The following ANKRD44 variants were observed in gnomAD, a reference collection of about 807,000 sequenced individuals.
The protein encoded by ANKRD44 is ankyrin repeat domain 44, also known as serine/threonine-protein phosphatase 6 regulatory ankyrin repeat subunit B.
In ANKRD44, 35 loss-of-function variants were observed where a neutral mutation model predicts 116.0. The observed-to-expected ratio is 0.30, with a 90% CI of 0.23 to 0.40. ANKRD44 has a LOEUF of 0.40. Among genes scored for constraint, ANKRD44 ranks in the 10% least tolerant of loss-of-function variants. ANKRD44 has a pLI of 1.00. For missense variants in ANKRD44, 1,014 were observed against 1,242.6 expected, an observed-to-expected ratio of 0.82 and a Z score of 2.77; for synonymous variants, 435 against 461.8, an observed-to-expected ratio of 0.94 and a Z score of 0.74.
chr2:197,114,470 G>A (rs1049425043), intron 8 of ANKRD44, among the ~76,000 whole-genome samples: 1 of 152,098 alleles, frequency 6.6e-6, no homozygotes, highest in Non-Finnish European at 1.5e-5. Flanking sequence ...ACTCTTTCAG[G>A]GCAGAACTCA....
At chr2:197,156,859 A>G (rs1452477549) in intron 2 of ANKRD44, among the ~76,000 whole-genome samples, 1 of 152,244 alleles carries the variant, frequency 6.6e-6, no homozygotes, top group African/African-American at 2.4e-5. Flanking sequence ...TACATATTGT[A>G]TAAATCCACG....
chr2:197,287,054 C>G (rs536291419), intron 1 of ANKRD44, among the ~76,000 whole-genome samples: 1 of 152,060 alleles, frequency 6.6e-6, no homozygotes, highest in Non-Finnish European at 1.5e-5. Flanking sequence ...ACCCACAGAA[C>G]GTACAACACC....
chr2:196,969,810 A>G (rs1230779019), intron 21 of ANKRD44, among the ~76,000 whole-genome samples: 1 of 152,214 alleles, frequency 6.6e-6, no homozygotes, highest in Non-Finnish European at 1.5e-5. Flanking sequence ...TAGTGTTCAG[A>G]ACCAGCTCTA....
At chr2:197,062,553 G>A (rs4850754) in intron 16 of ANKRD44, among the ~76,000 whole-genome samples, 93,743 of 152,202 alleles carry the variant, frequency 0.62, 31,801 homozygotes, top group East Asian at 0.85. Context: ...CCCGGGAAGC[G>A]CAAGGGGTCA....
chr2:197,247,964 C>T (rs2082228801), intron 1 of ANKRD44, among the ~76,000 whole-genome samples: 1 of 152,170 alleles, frequency 6.6e-6, no homozygotes, highest in Admixed American at 6.5e-5. Flanking sequence ...CAAGTGTGTG[C>T]AGCAACTAAT....
intron 1 of ANKRD44, among the ~76,000 whole-genome samples, chr2:197,244,940 G>A (rs1270072837): frequency 2.6e-5 from 4 of 151,976 alleles, no homozygotes; most frequent in Non-Finnish European, 4.4e-5. Flanking sequence ...TCAACCAACC[G>A]CAAATCTAAA....
intron 1 of ANKRD44, among the ~76,000 whole-genome samples, chr2:197,285,189 TGG>T (rs2083375930): frequency 6.6e-6 from 1 of 152,010 alleles, no homozygotes; most frequent in South Asian, 2.1e-4. Context: ...GTAAGGCCTG[TGG>T]ACCCATTGAG....
At chr2:197,198,085 G>A (rs1458799049) in intron 1 of ANKRD44, 2 of 152,226 alleles carry the variant, frequency 1.3e-5, no homozygotes, top group Admixed American at 6.5e-5. Context: ...GAGACGGATG[G>A]AATGGTAAGG....
chr2:197,234,110 T>C (rs1262072710), intron 1 of ANKRD44, among the ~76,000 whole-genome samples: 3 of 152,242 alleles, frequency 2.0e-5, no homozygotes, highest in African/African-American at 7.2e-5. Flanking sequence ...CCCACCCATC[T>C]TTCCTTCCCC....
At chr2:197,132,107 A>T (rs907378561) in intron 4 of ANKRD44, among the ~76,000 whole-genome samples, 1 of 151,446 alleles carries the variant, frequency 6.6e-6, no homozygotes, top group South Asian at 2.1e-4. Context: ...GAGTACACAG[A>T]AAAAAAAAGG....
intron 1 of ANKRD44, among the ~76,000 whole-genome samples, chr2:197,195,825 G>T (rs1306670667): frequency 6.6e-6 from 1 of 152,232 alleles, no homozygotes; most frequent in Non-Finnish European, 1.5e-5. Context: ...AAACAAGGCA[G>T]ACAGCCTTTG....
chr2:197,125,247 C>A, intron 6 of ANKRD44, 134 bp downstream of exon 6: 1 of 803,372 alleles, frequency 1.2e-6, no homozygotes, highest in Admixed American at 2.2e-5. Context: ...GTAAAACCAA[C>A]CAAATCTTCA....
intron 1 of ANKRD44, among the ~76,000 whole-genome samples, chr2:197,273,960 CAAAAAAAAAAA>C (rs1158937486): frequency 1.7e-3 from 16 of 9,338 alleles, no homozygotes; most frequent in South Asian, 6.0e-3. Flanking sequence ...CAACCAACCA[CAAAAAAAAAAA>C]AAAAAAAAAA....
intron 2 of ANKRD44, among the ~76,000 whole-genome samples, chr2:197,184,323 C>T (rs2080594225): frequency 6.6e-6 from 1 of 152,156 alleles, no homozygotes; most frequent in Non-Finnish European, 1.5e-5. Flanking sequence ...GTGATGTATG[C>T]TAATTCCAAG....
intron 9 of ANKRD44, among the ~76,000 whole-genome samples, chr2:197,100,178 T>G (rs1185988180): frequency 6.6e-6 from 1 of 152,240 alleles, no homozygotes; most frequent in Non-Finnish European, 1.5e-5. Flanking sequence ...GGCTAACGCC[T>G]GTAATCCCAG....
At chr2:197,241,530 C>G (rs764941005) in intron 1 of ANKRD44, among the ~76,000 whole-genome samples, 8 of 151,990 alleles carry the variant, frequency 5.3e-5, no homozygotes, top group South Asian at 2.1e-4. Context: ...ATCTTGGGTC[C>G]AGAAGTTTAT....
chr2:197,136,717 G>C, intron 3 of ANKRD44, 55 bp from the exon 4 acceptor site: 1 of 1,500,310 alleles, frequency 6.7e-7, no homozygotes, highest in Non-Finnish European at 9.3e-7. Flanking sequence ...AAGCCCTGCC[G>C]ACGTTAAATC....
chr2:197,309,578 G>A (rs2084177852), intron 1 of ANKRD44, among the ~76,000 whole-genome samples: 1 of 152,144 alleles, frequency 6.6e-6, no homozygotes, highest in South Asian at 2.1e-4. Context: ...TAATACCAAG[G>A]GCTGGCAAGT....
In ANKRD44 at chr2:197,000,445, G is replaced by T. The variant is rs772943596; in HGVS notation, c.2493C>A (p.Ile831=). The T allele has an allele frequency of 2.4e-5, 39 of 1,613,870 alleles. No individual in the cohort carries two copies. Among genetic ancestry groups the T allele is most frequent in the Non-Finnish European group, 3.1e-5 (37 of 1,179,956 alleles). The stretch of plus-strand genomic sequence containing the variant: ...TGCCTTTGTCATCTCTACAACTGAC[G>T]ATACTGGAATCTATGGCCCCAAGCA... ...SLLLGAIDSS[I]VSCRDDKGRT... The change falls in exon 23 of 28, where the codon ATC becomes ATA. Residue 831 remains isoleucine (I), a synonymous_variant. Coordinates refer to ENST00000282272, the MANE Select transcript of ANKRD44 (RefSeq NM_001195144.2).
Sources: allele counts gnomAD v4.1 joint callset (sites outside exome capture counted in the v4.1 genomes callset), GRCh38; gene constraint gnomAD v4.1.1; transcripts MANE v1.5; gene names NCBI Gene and HGNC (gene_info 2026-07-23, HGNC 2026-07-21).